Variants in MTSS1 observed in about 807,000 individuals in gnomAD.
The protein encoded by MTSS1 is protein MTSS 1.
MTSS1 carries 18 observed loss-of-function variants against 79.0 expected under a neutral mutation model. That is an observed-to-expected ratio of 0.23 (90% confidence interval 0.16 to 0.34). MTSS1 has a LOEUF of 0.34. MTSS1 is among the 10% of genes least tolerant of loss of function. The pLI, the probability that MTSS1 is intolerant of heterozygous loss-of-function variation, is 1.00. For synonymous variants in MTSS1, 341 were observed against 368.6 expected (o/e 0.93, Z 0.86); for missense variants, 815 against 986.2 (o/e 0.83, Z 2.33).
chr8:124,710,015 T>C (rs73345871), intron 1 of MTSS1, among the ~76,000 whole-genome samples: 3,099 of 152,254 alleles, frequency 0.02, 108 homozygotes, highest in African/African-American at 0.069. Flanking sequence ...GAACAAGGAC[T>C]GAGAAATGAA....
At chr8:124,692,408 G>C (rs970174357) in intron 3 of MTSS1, among the ~76,000 whole-genome samples, 2 of 152,174 alleles carry the variant, frequency 1.3e-5, no homozygotes, top group African/African-American at 2.4e-5. Context: ...GGTAGAAATA[G>C]TAAGACTCTA....
intron 3 of MTSS1, among the ~76,000 whole-genome samples, chr8:124,618,048 T>C (rs1474602631): frequency 6.6e-6 from 1 of 152,198 alleles, no homozygotes; most frequent in East Asian, 1.9e-4. Flanking sequence ...CCCTTCTAAA[T>C]GGACTGCTAC....
intron 1 of MTSS1, among the ~76,000 whole-genome samples, chr8:124,717,631 T>C (rs961291959): frequency 1.3e-5 from 2 of 152,044 alleles, no homozygotes; most frequent in Non-Finnish European, 2.9e-5. Context: ...GAGGCAGAGG[T>C]TGCAGTGAGC....
At chr8:124,567,729 G>A (rs1826820209) in intron 7 of MTSS1, 1 of 1,516,682 alleles carries the variant, frequency 6.6e-7, no homozygotes, top group Non-Finnish European at 8.8e-7. Flanking sequence ...GCCAAGTTGG[G>A]ACCACGGGCC....
At chr8:124,724,889 C>T (rs569390415) in intron 1 of MTSS1, among the ~76,000 whole-genome samples, 5 of 152,298 alleles carry the variant, frequency 3.3e-5, no homozygotes, top group Non-Finnish European at 7.3e-5. Context: ...CCCAGACAAA[C>T]CAGCTATGGG....
chr8:124,631,435 T>C (rs1408256116), intron 3 of MTSS1, among the ~76,000 whole-genome samples: 1 of 152,234 alleles, frequency 6.6e-6, no homozygotes, highest in Non-Finnish European at 1.5e-5. Context: ...GTCCCGACAC[T>C]GCTGCACAGC....
chr8:124,554,817 AGT>A (rs1823238159), intron 13 of MTSS1, among the ~76,000 whole-genome samples: 1 of 152,220 alleles, frequency 6.6e-6, no homozygotes, highest in Non-Finnish European at 1.5e-5. Context: ...ATAACCATAA[AGT>A]GTGTAGTGCA....
intron 3 of MTSS1, among the ~76,000 whole-genome samples, chr8:124,593,238 C>T (rs550120807): frequency 1.1e-4 from 16 of 152,308 alleles, no homozygotes; most frequent in African/African-American, 3.6e-4. Context: ...CTATTTCTTT[C>T]TGGGCCTTCG....
chr8:124,560,694 G>A (rs770118674), intron 10 of MTSS1, among the ~76,000 whole-genome samples: 2 of 152,084 alleles, frequency 1.3e-5, no homozygotes, highest in East Asian at 1.9e-4. Context: ...GTAACCCACC[G>A]CAGGACTGCA....
chr8:124,617,314 C>T (rs774781598), intron 3 of MTSS1, among the ~76,000 whole-genome samples: 2 of 152,184 alleles, frequency 1.3e-5, no homozygotes, highest in Non-Finnish European at 2.9e-5. Context: ...CAAGGACCCA[C>T]CAGAGAGCCC....
chr8:124,614,795 G>A (rs573504290), intron 3 of MTSS1, among the ~76,000 whole-genome samples: 2 of 152,310 alleles, frequency 1.3e-5, no homozygotes, highest in African/African-American at 4.8e-5. Flanking sequence ...GAAAGGAAGA[G>A]GCTCCTGCCT....
At chr8:124,564,023 T>TC (rs780450057) in intron 9 of MTSS1, among the ~76,000 whole-genome samples, 1 of 150,038 alleles carries the variant, frequency 6.7e-6, no homozygotes, top group Non-Finnish European at 1.5e-5. Flanking sequence ...CGCAGCTACT[T>TC]GGGAGGCCAA....
chr8:124,708,641 A>G (rs1177084323), intron 1 of MTSS1, among the ~76,000 whole-genome samples: 2 of 152,138 alleles, frequency 1.3e-5, no homozygotes, highest in African/African-American at 2.4e-5. Context: ...ACCACTGAAG[A>G]AACTTCTTAT....
At chr8:124,595,993 A>T (rs952199248) in intron 3 of MTSS1, among the ~76,000 whole-genome samples, 3 of 152,198 alleles carry the variant, frequency 2.0e-5, no homozygotes, top group Non-Finnish European at 1.5e-5. Context: ...AGGGTTCCAC[A>T]GGCCACAAAC....
At chr8:124,645,990 A>G (rs904395310) in intron 3 of MTSS1, among the ~76,000 whole-genome samples, 9 of 152,048 alleles carry the variant, frequency 5.9e-5, no homozygotes, top group African/African-American at 2.2e-4. Flanking sequence ...CCTCCTTTCC[A>G]CTGTGAATGT....
intron 3 of MTSS1, among the ~76,000 whole-genome samples, chr8:124,687,393 A>T (rs1187222711): frequency 6.6e-6 from 1 of 152,134 alleles, no homozygotes; most frequent in East Asian, 1.9e-4. Flanking sequence ...CTTGGGCTTA[A>T]ATCGTATTAT....
intron 1 of MTSS1, among the ~76,000 whole-genome samples, chr8:124,722,881 A>G (rs1033596360): frequency 6.6e-6 from 1 of 152,208 alleles, no homozygotes; most frequent in Non-Finnish European, 1.5e-5. Context: ...TCCATACCCA[A>G]TTCGAACATC....
chr8:124,640,074 G>A (rs1817742642), intron 3 of MTSS1, among the ~76,000 whole-genome samples: 1 of 152,226 alleles, frequency 6.6e-6, no homozygotes, highest in Admixed American at 6.5e-5. Flanking sequence ...GTGCTGGACA[G>A]TTGTCCATCT....
intron 1 of MTSS1, among the ~76,000 whole-genome samples, chr8:124,715,239 C>T: frequency 6.6e-6 from 1 of 152,220 alleles, no homozygotes; most frequent in East Asian, 1.9e-4. Flanking sequence ...CACAAACACC[C>T]TCTACCCTAG....
Sources: gnomAD v4.1 joint callset for allele counts (sites outside exome capture counted in the v4.1 genomes callset) on GRCh38, gnomAD v4.1.1 for gene constraint, MANE v1.5 for transcripts, NCBI Gene and HGNC (gene_info 2026-07-23, HGNC 2026-07-21) for gene names.